PPP2R2B: variants seen among roughly 807,000 people sequenced by gnomAD.
The protein encoded by PPP2R2B is serine/threonine-protein phosphatase 2A 55 kDa regulatory subunit B beta isoform.
Under a neutral mutation model 46.0 loss-of-function variants are expected in PPP2R2B, and 5 were observed. That is an observed-to-expected ratio of 0.11 (90% confidence interval 0.06 to 0.23). The LOEUF is 0.23. PPP2R2B is among the 10% of genes least tolerant of loss of function. The pLI, the probability that PPP2R2B is intolerant of heterozygous loss-of-function variation, is 1.00. For missense variants in PPP2R2B, 367 were observed against 575.0 expected, an observed-to-expected ratio of 0.64 and a Z score of 3.70; for synonymous variants, 215 against 206.7, an observed-to-expected ratio of 1.04 and a Z score of -0.34.
At position 146,682,391 on chromosome 5, in the gene PPP2R2B, G is replaced by A. The variant is rs531313275; in HGVS notation, c.447+8737C>T. Among the ~76,000 whole-genome samples, 101 of 152,272 alleles carry A rather than the reference G, an allele frequency of 6.6e-4. 1 individual carries two copies. The highest frequency in any genetic ancestry group is 2.3e-3 in the African/African-American group (96 of 41,564). On this transcript the variant is annotated intron_variant, in intron 5 of 9. Transcript: ENST00000394411. ...AGAAAGGGATTAACATAAACTAAGCGTCTATTGATGGCAAGATATTATGCT... is the reference window on the plus strand; with the variant it reads ...AGAAAGGGATTAACATAAACTAAGCATCTATTGATGGCAAGATATTATGCT...
chr5:146,876,214 A>G (rs1450819508), intron 2 of PPP2R2B, among the ~76,000 whole-genome samples: 1 of 152,176 alleles, frequency 6.6e-6, no homozygotes, highest in African/African-American at 2.4e-5. Flanking sequence ...TCTATCCAGA[A>G]TCAGAGTTTT....
intron 1 of PPP2R2B, among the ~76,000 whole-genome samples, chr5:146,892,469 G>A (rs73796029): frequency 2.0e-3 from 303 of 152,200 alleles, no homozygotes; most frequent in African/African-American, 4.8e-3. Context: ...ACACATGCAC[G>A]TGAGCACCTC....
intron 5 of PPP2R2B, among the ~76,000 whole-genome samples, chr5:146,672,363 C>A (rs898738171): frequency 2.6e-5 from 4 of 152,082 alleles, no homozygotes; most frequent in African/African-American, 4.8e-5. Flanking sequence ...ACTAAATATT[C>A]CTGAGTCTTG....
At chr5:146,773,430 A>C (rs1754990976) in intron 2 of PPP2R2B, among the ~76,000 whole-genome samples, 2 of 152,212 alleles carry the variant, frequency 1.3e-5, no homozygotes, top group South Asian at 4.1e-4. Flanking sequence ...GTTTATTATG[A>C]TCTAGATTTG....
At chr5:146,703,708 G>A (rs1581913640) in intron 2 of PPP2R2B, among the ~76,000 whole-genome samples, 1 of 152,184 alleles carries the variant, frequency 6.6e-6, no homozygotes, top group Admixed American at 6.5e-5. Context: ...ACCCATGCAA[G>A]TCAAAACAAG....
intron 7 of PPP2R2B, among the ~76,000 whole-genome samples, chr5:146,624,765 G>A (rs571210700): frequency 6.6e-6 from 1 of 152,184 alleles, no homozygotes; most frequent in East Asian, 1.9e-4. Context: ...CAATGTGAAT[G>A]GGGGCTGTGT....
chr5:146,928,786 T>C (rs1763871725), intron 1 of PPP2R2B, among the ~76,000 whole-genome samples: 1 of 152,216 alleles, frequency 6.6e-6, no homozygotes, highest in Non-Finnish European at 1.5e-5. Context: ...CAAAACATTC[T>C]GGTGGCTTCC....
chr5:146,901,456 G>A (rs1208082469), intron 1 of PPP2R2B, among the ~76,000 whole-genome samples: 2 of 152,112 alleles, frequency 1.3e-5, no homozygotes, highest in East Asian at 1.9e-4. Context: ...CTGTGTGATC[G>A]TGTCACTGCA....
intron 2 of PPP2R2B, among the ~76,000 whole-genome samples, chr5:147,079,039 C>A (rs1003379872): frequency 1.3e-5 from 2 of 151,882 alleles, no homozygotes; most frequent in Non-Finnish European, 2.9e-5. Flanking sequence ...TAGCACAGTG[C>A]TGTCATGTAG....
chr5:146,771,602 G>A (rs539567893), intron 2 of PPP2R2B, among the ~76,000 whole-genome samples: 4 of 152,196 alleles, frequency 2.6e-5, no homozygotes, highest in Non-Finnish European at 5.9e-5. Flanking sequence ...ATGATGAGCT[G>A]TCTACCAATA....
In PPP2R2B at chr5:146,584,314, AG is replaced by A. The variant is rs1770033931; in HGVS notation, c.*5632del. On this transcript the variant is annotated 3_prime_UTR_variant, in exon 10 of 10. Coordinates refer to ENST00000394411, the MANE Select transcript of PPP2R2B (RefSeq NM_181675.4). Reference sequence around the variant, plus strand: ...AGTTAATCAGTCATAATAAGGTCAAAGTCAGAAGTTGGAGACCTGTGAGCCA... The same window carrying A: ...AGTTAATCAGTCATAATAAGGTCAAATCAGAAGTTGGAGACCTGTGAGCCA... 6.6e-6 allele frequency: 1 copy of A among 152,216 alleles called. No homozygotes were observed. Among genetic ancestry groups the A allele is most frequent in the South Asian group, 2.1e-4 (1 of 4,830 alleles). The allele number at this position is 152,216 out of a possible 1,614,324, so 9.4% of individuals were successfully genotyped here. A position where few individuals can be genotyped will look rare whatever the true frequency, so the allele number is the denominator to read the frequency against.
At chr5:147,015,493 T>A (rs1365184942) in intron 1 of PPP2R2B, among the ~76,000 whole-genome samples, 1 of 151,608 alleles carries the variant, frequency 6.6e-6, no homozygotes, top group Non-Finnish European at 1.5e-5. Context: ...TTTACTCATA[T>A]TTCAATGCCT....
At chr5:147,063,007 A>AAGGGGGGAGGG (rs1757309738) in intron 2 of PPP2R2B, among the ~76,000 whole-genome samples, 1 of 87,396 alleles carries the variant, frequency 1.1e-5, no homozygotes, top group Admixed American at 1.2e-4. Flanking sequence ...AGGGGGGAAG[A>AAGGGGGGAGGG]AGGGAAGGGG....
Position 146,753,254 on chromosome 5 carries a change from T to A in PPP2R2B, c.71-52112A>T, listed in dbSNP as rs567596871. ...GAAAAGTTATTGTCCATGAAATGCTTAGCACAGTGTCTGGTACACAAGAAG... is the reference window on the plus strand; with the variant it reads ...GAAAAGTTATTGTCCATGAAATGCTAAGCACAGTGTCTGGTACACAAGAAG... On this transcript the variant is annotated intron_variant, in intron 2 of 9. Coordinates refer to ENST00000394411, the MANE Select transcript of PPP2R2B (RefSeq NM_181675.4). Among the ~76,000 whole-genome samples, 29 of 152,304 alleles carry A rather than the reference T, an allele frequency of 1.9e-4. No homozygotes were observed. In the South Asian group the frequency reaches 5.2e-3, roughly 27 times the overall value.
intron 1 of PPP2R2B, among the ~76,000 whole-genome samples, chr5:146,958,774 A>G (rs954705403): frequency 3.9e-5 from 6 of 152,358 alleles, no homozygotes; most frequent in African/African-American, 1.4e-4. Context: ...CCTTCAGATC[A>G]TGAGCTATAT....
intron 1 of PPP2R2B, among the ~76,000 whole-genome samples, chr5:146,946,438 T>G (rs893669429): frequency 6.6e-6 from 1 of 152,144 alleles, no homozygotes; most frequent in African/African-American, 2.4e-5. Context: ...ATTGCAAGTT[T>G]CATTTTCAAA....
chr5:147,031,313 C>A (rs943787868), intron 1 of PPP2R2B, among the ~76,000 whole-genome samples: 2 of 152,076 alleles, frequency 1.3e-5, no homozygotes, highest in Non-Finnish European at 2.9e-5. Flanking sequence ...GCAGTTGGCT[C>A]CTTTCAGCAT....
At chr5:146,664,517 GT>G (rs577235555) in intron 5 of PPP2R2B, among the ~76,000 whole-genome samples, 49 of 144,940 alleles carry the variant, frequency 3.4e-4, no homozygotes, top group South Asian at 1.7e-3. Context: ...TTTAGTTCTA[GT>G]TTTTTTTTTT....
chr5:146,957,988 A>G (rs991293377), intron 1 of PPP2R2B, among the ~76,000 whole-genome samples: 2 of 152,212 alleles, frequency 1.3e-5, no homozygotes, highest in African/African-American at 4.8e-5. Flanking sequence ...TGAACCTAGG[A>G]CTGACAGAAA....
Sources: allele counts gnomAD v4.1 joint callset (sites outside exome capture counted in the v4.1 genomes callset), GRCh38; gene constraint gnomAD v4.1.1; transcripts MANE v1.5; gene names NCBI Gene and HGNC (gene_info 2026-07-23, HGNC 2026-07-21).